The following M1AP variants were observed in gnomAD, a reference collection of about 807,000 sequenced individuals.
M1AP encodes meiosis 1 arrest protein.
A neutral mutation model predicts 51.2 loss-of-function variants in M1AP; 39 were observed. The observed-to-expected ratio is 0.76, with a 90% CI of 0.59 to 1.00. M1AP has a LOEUF of 1.00. Ranked by LOEUF, M1AP falls within the 50% of genes least tolerant of loss-of-function variation. M1AP has a pLI of 0.00. For missense variants in M1AP, 545 were observed against 641.2 expected, an observed-to-expected ratio of 0.85 and a Z score of 1.62; for synonymous variants, 251 against 249.2, an observed-to-expected ratio of 1.01 and a Z score of -0.07.
intron 1 of M1AP, chr2:74,647,294 C>A (rs867431640): frequency 2.0e-6 from 2 of 985,250 alleles, no homozygotes; most frequent in Middle Eastern, 5.2e-4. Context: ...ATCGGCTTCT[C>A]GCTGTGTCTG....
At chr2:74,560,986 C>G (rs1011365758) in intron 8 of M1AP, among the ~76,000 whole-genome samples, 1 of 150,788 alleles carries the variant, frequency 6.6e-6, no homozygotes, top group African/African-American at 2.4e-5. Flanking sequence ...CCTGGGGAGA[C>G]TAGCAGAGCA....
At chr2:74,585,922 G>A (rs1206593151) in intron 4 of M1AP, among the ~76,000 whole-genome samples, 1 of 152,100 alleles carries the variant, frequency 6.6e-6, no homozygotes, top group African/African-American at 2.4e-5. Context: ...TCTGAAACAT[G>A]GTTTCATCAG....
At position 74,558,668 on chromosome 2, in the gene M1AP, G is replaced by A. The variant is rs1313704922; in HGVS notation, c.*48C>T. On this transcript the variant is annotated 3_prime_UTR_variant, in exon 11 of 11. Transcript: ENST00000421985. The stretch of plus-strand genomic sequence containing the variant: ...CCACAGATAGCCATTATGTGAACCT[G>A]AGCATGGATATGGTTAAGCTGGGCA... 3 of 1,603,002 alleles carry A rather than the reference G, an allele frequency of 1.9e-6. No homozygotes were observed. The highest frequency in any genetic ancestry group is 2.7e-5 in the African/African-American group (2 of 74,588).
At chr2:74,606,114 G>T (rs1456460654) in intron 4 of M1AP, among the ~76,000 whole-genome samples, 8 of 152,202 alleles carry the variant, frequency 5.3e-5, no homozygotes, top group African/African-American at 1.7e-4. Context: ...AATGAGTGAG[G>T]TCTCCACTAT....
chr2:74,629,751 C>CAAA (rs61660960), intron 2 of M1AP, among the ~76,000 whole-genome samples: 10 of 137,982 alleles, frequency 7.2e-5, no homozygotes, highest in African/African-American at 2.6e-4. Context: ...GATTCTGTCT[C>CAAA]AAAAAAAAAA....
At chr2:74,619,034 G>A (rs919573457) in intron 2 of M1AP, 1 of 493,328 alleles carries the variant, frequency 2.0e-6, no homozygotes, top group Non-Finnish European at 4.1e-6. Context: ...TCATCGGCAG[G>A]AAAAAGGTAA....
chr2:74,606,347 A>C (rs943139225), intron 4 of M1AP, among the ~76,000 whole-genome samples: 10 of 152,230 alleles, frequency 6.6e-5, no homozygotes, highest in Non-Finnish European at 1.2e-4. Flanking sequence ...CCAGCCCTGC[A>C]TATGAGTCTG....
At chr2:74,625,702 C>T (rs1325762117) in intron 2 of M1AP, among the ~76,000 whole-genome samples, 1 of 152,218 alleles carries the variant, frequency 6.6e-6, no homozygotes, top group Non-Finnish European at 1.5e-5. Context: ...TATAGGGACA[C>T]CTAATGGTGA....
At chr2:74,623,935 T>G (rs1006826515) in intron 2 of M1AP, among the ~76,000 whole-genome samples, 1 of 152,136 alleles carries the variant, frequency 6.6e-6, no homozygotes, top group Non-Finnish European at 1.5e-5. Context: ...CCTCCCGAAG[T>G]GTTGGGATTA....
At chr2:74,644,469 C>T (rs577942372) in intron 1 of M1AP, among the ~76,000 whole-genome samples, 174 of 150,012 alleles carry the variant, frequency 1.2e-3, no homozygotes, top group African/African-American at 4.1e-3. Context: ...ACCCAGGAGG[C>T]GGAGGTTGCA....
chr2:74,643,989 T>C (rs970005317), intron 1 of M1AP, among the ~76,000 whole-genome samples: 2 of 152,162 alleles, frequency 1.3e-5, no homozygotes, highest in South Asian at 4.1e-4. Context: ...TTTCTGTATA[T>C]ATGTTATATT....
At chr2:74,561,130 GAGGAGGAGGAGA>G (rs1558643683) in intron 8 of M1AP, among the ~76,000 whole-genome samples, 38 of 94,802 alleles carry the variant, frequency 4.0e-4, no homozygotes, top group East Asian at 6.1e-4. Context: ...GGAGGAGAAG[GAGGAGGAGGAGA>G]AGGAGGAGGA....
chr2:74,633,092 C>T (rs76067538), intron 2 of M1AP, among the ~76,000 whole-genome samples: 3,767 of 152,176 alleles, frequency 0.025, 70 homozygotes, highest in Non-Finnish European at 0.043. Context: ...GTCATTCACA[C>T]TCTTACTTCC....
intron 4 of M1AP, among the ~76,000 whole-genome samples, chr2:74,603,318 G>C (rs1015375680): frequency 3.3e-5 from 5 of 152,330 alleles, no homozygotes; most frequent in Middle Eastern, 3.4e-3. Flanking sequence ...CTAATGCCAA[G>C]GTGCTTACAG....
chr2:74,628,560 C>A, intron 2 of M1AP: 1 of 544,206 alleles, frequency 1.8e-6, no homozygotes, highest in South Asian at 1.6e-5. Flanking sequence ...AAGTCCCAAT[C>A]AAAAGATTCT....
Position 74,558,685 on chromosome 2 carries a change from A to G in M1AP, c.*31T>C. On this transcript the variant is annotated 3_prime_UTR_variant, in exon 11 of 11. Coordinates refer to ENST00000421985, the MANE Select transcript of M1AP (RefSeq NM_001321739.2). ...GTGAACCTGAGCATGGATATGGTTA[A>G]GCTGGGCAGCTGGGCTCTGGTGCTG... 6.2e-7 allele frequency: 1 copy of G among 1,610,416 alleles called. No individual in the cohort carries two copies. The highest frequency in any genetic ancestry group is 8.5e-7 in the Non-Finnish European group (1 of 1,178,436).
At chr2:74,633,237 C>G (rs1020299205) in intron 2 of M1AP, among the ~76,000 whole-genome samples, 2 of 152,186 alleles carry the variant, frequency 1.3e-5, no homozygotes, top group Non-Finnish European at 2.9e-5. Flanking sequence ...CTGAAGGCAA[C>G]ATGATTCTTT....
In M1AP at chr2:74,640,145, GC is replaced by G. The variant is rs1683207788; in HGVS notation, c.130del (p.Ala44LeufsTer8). The G allele has an allele frequency of 6.2e-7, 1 of 1,614,086 alleles. No homozygotes were observed. Among genetic ancestry groups the G allele is most frequent in the African/African-American group, 1.3e-5 (1 of 75,052 alleles). ...WADICTNLCE[A>X]LQNFFSLACS... is the part of the protein sequence containing the mutation. ...GGCTAGAGAGAAGAAGTTCTGCAGA[GC>G]CTCACAGAGGTTGGTGCAGATGTCA... is the stretch of plus-strand genomic sequence containing the variant. On this transcript the variant is annotated frameshift_variant, in exon 2 of 11. Coordinates refer to ENST00000421985, the MANE Select transcript of M1AP (RefSeq NM_001321739.2). LOFTEE classifies it high-confidence loss of function.
At chr2:74,576,731 C>A in intron 5 of M1AP, 113 bp from the exon 6 acceptor site, 1 of 1,319,956 alleles carries the variant, frequency 7.6e-7, no homozygotes, top group East Asian at 2.5e-5. Context: ...CCCATTCCAT[C>A]TCTACCAGGC....
Sources: gnomAD v4.1 joint callset for allele counts (sites outside exome capture counted in the v4.1 genomes callset) on GRCh38, gnomAD v4.1.1 for gene constraint, MANE v1.5 for transcripts, NCBI Gene and HGNC (gene_info 2026-07-23, HGNC 2026-07-21) for gene names.